PCED1B: variants seen among roughly 807,000 people sequenced by gnomAD.
The protein encoded by PCED1B is PC-esterase domain containing 1B, also known as PC-esterase domain-containing protein 1B.
For synonymous variants in PCED1B, 251 were observed against 246.1 expected (o/e 1.02, Z -0.19); for missense variants, 573 against 573.9 (o/e 1.00, Z 0.02).
intron 1 of PCED1B, among the ~76,000 whole-genome samples, chr12:47,085,858 G>A (rs995795383): frequency 2.6e-5 from 4 of 152,068 alleles, no homozygotes; most frequent in African/African-American, 9.7e-5. Context: ...GCTTAATTTG[G>A]TTCCTACTTC....
At position 47,135,081 on chromosome 12, in the gene PCED1B, C is replaced by T. The variant is rs537471270; in HGVS notation, c.-526+30886C>T. 5.4e-4 allele frequency among the ~76,000 whole-genome samples: 82 copies of T among 152,234 alleles called. 1 individual carries two copies. Among genetic ancestry groups the T allele is most frequent in the Non-Finnish European group, 8.4e-4 (57 of 68,016 alleles). ...ATGGATTTAACTTTATTTCACCAAT[C>T]TCTACTGATAGGAATTGGTCATTTA... On this transcript the variant is annotated intron_variant, in intron 2 of 3. Coordinates refer to ENST00000546455, the MANE Select transcript of PCED1B (RefSeq NM_138371.3).
chr12:47,181,835 A>G (rs527535901), intron 2 of PCED1B, among the ~76,000 whole-genome samples: 3 of 152,288 alleles, frequency 2.0e-5, no homozygotes, highest in Admixed American at 2.0e-4. Context: ...ATCATTACCA[A>G]CCATCACAAC....
At chr12:47,121,168 G>C (rs1265003676) in intron 2 of PCED1B, among the ~76,000 whole-genome samples, 6 of 152,170 alleles carry the variant, frequency 3.9e-5, no homozygotes, top group Non-Finnish European at 8.8e-5. Flanking sequence ...TCTCCATAAA[G>C]CATTAAAAAT....
chr12:47,210,928 C>A (rs148450801), intron 2 of PCED1B, among the ~76,000 whole-genome samples: 1 of 151,896 alleles, frequency 6.6e-6, no homozygotes, highest in Non-Finnish European at 1.5e-5. Context: ...ACTATTTTAC[C>A]GGTAAAATGG....
At chr12:47,223,714 G>T (rs999424016) in intron 3 of PCED1B, 1 of 152,250 alleles carries the variant, frequency 6.6e-6, no homozygotes, top group African/African-American at 2.4e-5. Context: ...GCGGGGTGAG[G>T]ATTTGAAGGT....
Position 47,235,989 on chromosome 12 carries a change from G to A in PCED1B, c.926G>A (p.Arg309His). The stretch of plus-strand genomic sequence containing the variant: ...CCCCTGCTTGGGTTCCCACCCCAGC[G>A]CTTGCCGCTGCTCCCGCTCCTGTCC... Reference protein sequence around the residue: ...YRPLLGFPPQRLPLLPLLSPQ... With the variant: ...YRPLLGFPPQHLPLLPLLSPQ... The change falls in exon 4 of 4, where the codon CGC (arginine) becomes CAC (histidine). Residue 309 changes from arginine (R) to histidine (H), a missense_variant. Physicochemically the swap from Arg to His is conservative, Grantham distance 29. Transcript: ENST00000546455. The A allele has an allele frequency of 1.9e-6, 3 of 1,607,014 alleles. No individual in the cohort carries two copies. Among genetic ancestry groups the A allele is most frequent in the Non-Finnish European group, 2.5e-6 (3 of 1,177,240 alleles).
intron 2 of PCED1B, among the ~76,000 whole-genome samples, chr12:47,128,184 A>G (rs1939973466): frequency 6.6e-6 from 1 of 152,238 alleles, no homozygotes; most frequent in Non-Finnish European, 1.5e-5. Flanking sequence ...ATATAGTGGT[A>G]TGAGCACTGT....
chr12:47,086,787 C>A (rs1378179456), intron 1 of PCED1B, among the ~76,000 whole-genome samples: 1 of 152,102 alleles, frequency 6.6e-6, no homozygotes, highest in Admixed American at 6.5e-5. Flanking sequence ...TTAATTTTGC[C>A]TCTCTGATAA....
At chr12:47,142,242 A>G (rs1213145766) in intron 2 of PCED1B, among the ~76,000 whole-genome samples, 1 of 152,188 alleles carries the variant, frequency 6.6e-6, no homozygotes, top group Non-Finnish European at 1.5e-5. Context: ...CACTGGACCC[A>G]GCAGCAGTCA....
intron 1 of PCED1B, among the ~76,000 whole-genome samples, chr12:47,081,398 T>G (rs1263772383): frequency 6.6e-6 from 1 of 152,242 alleles, no homozygotes; most frequent in Non-Finnish European, 1.5e-5. Flanking sequence ...CAGGCAGATT[T>G]GTTAGACCAA....
chr12:47,187,878 C>T (rs886312383), intron 2 of PCED1B: 3 of 153,988 alleles, frequency 1.9e-5, no homozygotes, highest in Non-Finnish European at 4.4e-5. Flanking sequence ...TAGAGGAAGA[C>T]CCCAGAAGGA....
chr12:47,092,167 A>C (rs1290537658), intron 1 of PCED1B, among the ~76,000 whole-genome samples: 1 of 152,110 alleles, frequency 6.6e-6, no homozygotes, highest in Non-Finnish European at 1.5e-5. Flanking sequence ...TCTTCCAATT[A>C]TAATGATGCA....
At chr12:47,163,696 T>G (rs1321545379) in intron 2 of PCED1B, among the ~76,000 whole-genome samples, 1 of 152,202 alleles carries the variant, frequency 6.6e-6, no homozygotes, top group Non-Finnish European at 1.5e-5. Flanking sequence ...CCCCCTTGTC[T>G]TAGTCCATTT....
chr12:47,120,493 T>C (rs1939629924), intron 2 of PCED1B, among the ~76,000 whole-genome samples: 1 of 152,082 alleles, frequency 6.6e-6, no homozygotes, highest in African/African-American at 2.4e-5. Flanking sequence ...TGGAATATGT[T>C]ATGGCCATAA....
intron 2 of PCED1B, among the ~76,000 whole-genome samples, chr12:47,164,640 G>A (rs1191017631): frequency 6.6e-6 from 1 of 152,234 alleles, no homozygotes; most frequent in African/African-American, 2.4e-5. Flanking sequence ...AGATCCACTA[G>A]GCATTGCCCC....
chr12:47,164,945 T>C (rs1022384558), intron 2 of PCED1B, among the ~76,000 whole-genome samples: 1 of 152,220 alleles, frequency 6.6e-6, no homozygotes, highest in African/African-American at 2.4e-5. Context: ...AGTGTGCCTA[T>C]GGGGAATAGT....
chr12:47,236,085 G>C lies in PCED1B; in HGVS notation c.1022G>C (p.Cys341Ser), dbSNP rs748154819. Residue 341 changes from cysteine to serine, a missense_variant, in exon 4 of 4, where the codon TGT (cysteine) becomes TCT (serine). Physicochemically the swap from Cys to Ser is moderately radical, Grantham distance 112 (BLOSUM62 -1). Transcript: ENST00000546455. ...PRFPQGPPDA[C>S]FSSDHTFQSD... ...TTCCCACAGGGTCCCCCAGATGCCT[G>C]TTTTTCCTCAGACCATACTTTCCAG... The C allele has an allele frequency of 3.7e-6, 6 of 1,613,974 alleles. No individual in the cohort carries two copies. The African/African-American group carries it at 6.7e-5, about 18-fold the overall frequency.
rs570443668 is a variant in PCED1B at position 47,169,016 on chromosome 12, G to A, written c.-525-47206G>A. Among the ~76,000 whole-genome samples the A allele has an allele frequency of 1.5e-4, 23 of 152,312 alleles. No homozygotes were observed. In the South Asian group the frequency reaches 4.3e-3, roughly 29 times the overall value. On this transcript the variant is annotated intron_variant, in intron 2 of 3. Transcript: ENST00000546455. ...GGATATATGGTTTAATATTGTAGGGGAGGAAAAATATCTTCTCACTTCTAG... is the reference window on the plus strand; with the variant it reads ...GGATATATGGTTTAATATTGTAGGGAAGGAAAAATATCTTCTCACTTCTAG...
rs1331765643 is a variant in PCED1B at position 47,079,720 on chromosome 12, C to T, written c.-614C>T. The stretch of plus-strand genomic sequence containing the variant: ...TCTCCCGGGTTCCTCTCATTGCAGG[C>T]TGAAGGTACCGCCTCGGCGCTCTGG... On this transcript the variant is annotated 5_prime_UTR_variant, in exon 1 of 4. Transcript: ENST00000546455. The T allele has an allele frequency of 6.6e-6, 1 of 151,714 alleles. No individual in the cohort carries two copies. Among genetic ancestry groups the T allele is most frequent in the African/African-American group, 2.4e-5 (1 of 41,386 alleles). The allele number at this position is 151,714 out of a possible 1,614,324, so 9.4% of individuals were successfully genotyped here. A position where few individuals can be genotyped will look rare whatever the true frequency, so the allele number is the denominator to read the frequency against.
Sources: allele counts gnomAD v4.1 joint callset (sites outside exome capture counted in the v4.1 genomes callset), GRCh38; gene constraint gnomAD v4.1.1; transcripts MANE v1.5; gene names NCBI Gene and HGNC (gene_info 2026-07-23, HGNC 2026-07-21).